DTD1: variants seen among roughly 807,000 people sequenced by gnomAD.
The protein encoded by DTD1 is D-tyrosyl-tRNA deacylase 1 homolog.
In DTD1, 13 loss-of-function variants were observed where a neutral mutation model predicts 25.6. The ratio of observed to expected loss-of-function variants is 0.51; its 90% confidence interval spans 0.33 to 0.81. DTD1 has a LOEUF of 0.81. DTD1 is among the 30% of genes least tolerant of loss of function. The probability of loss-of-function intolerance (pLI) is 0.02; values close to 1 mark genes in which losing one functional copy is unlikely to be tolerated. For missense variants in DTD1, 193 were observed against 266.4 expected, an observed-to-expected ratio of 0.72 and a Z score of 1.92; for synonymous variants, 110 against 103.6, an observed-to-expected ratio of 1.06 and a Z score of -0.37.
At chr20:18,717,896 C>G (rs898146794) in intron 4 of DTD1, among the ~76,000 whole-genome samples, 11 of 152,094 alleles carry the variant, frequency 7.2e-5, no homozygotes, top group Non-Finnish European at 1.5e-4. Flanking sequence ...AGTTAGAATT[C>G]TCCTCTAAAC....
intron 5 of DTD1, among the ~76,000 whole-genome samples, chr20:18,760,078 A>G (rs2061355418): frequency 6.6e-6 from 1 of 152,206 alleles, no homozygotes; most frequent in South Asian, 2.1e-4. Flanking sequence ...CGTGGTTTTC[A>G]GCTCCATCAG....
chr20:18,638,127 TCATTTATC>T (rs2060814467), intron 4 of DTD1, among the ~76,000 whole-genome samples: 1 of 151,748 alleles, frequency 6.6e-6, no homozygotes, highest in South Asian at 2.1e-4. Flanking sequence ...GCTTGCTTGT[TCATTTATC>T]CATTTATCCA....
chr20:18,599,199 G>A (rs2060623606), intron 3 of DTD1, among the ~76,000 whole-genome samples: 1 of 152,014 alleles, frequency 6.6e-6, no homozygotes, highest in Admixed American at 6.6e-5. Flanking sequence ...TTTTGAGATG[G>A]AGTTTTGCTC....
At chr20:18,628,045 G>C in intron 3 of DTD1, 82 bp from the exon 4 acceptor site, 1 of 1,159,488 alleles carries the variant, frequency 8.6e-7, no homozygotes, top group Non-Finnish European at 1.3e-6. Flanking sequence ...TTAGCAGTGT[G>C]AAAATGAACT....
intron 4 of DTD1, among the ~76,000 whole-genome samples, chr20:18,660,661 T>G (rs1327192237): frequency 6.6e-6 from 1 of 152,166 alleles, no homozygotes; most frequent in East Asian, 1.9e-4. Flanking sequence ...TTTTAGCAAC[T>G]TTGAGAAAAT....
At chr20:18,756,835 C>T in intron 5 of DTD1, among the ~76,000 whole-genome samples, 1 of 152,100 alleles carries the variant, frequency 6.6e-6, no homozygotes, top group Non-Finnish European at 1.5e-5. Context: ...ATGGGGATGG[C>T]ATTGCATCTA....
chr20:18,643,890 A>C (rs891027641), intron 4 of DTD1, among the ~76,000 whole-genome samples: 1 of 152,068 alleles, frequency 6.6e-6, no homozygotes, highest in African/African-American at 2.4e-5. Context: ...ATGCACTTGT[A>C]TGTGCACAGG....
chr20:18,663,431 G>A (rs1369834053), intron 4 of DTD1, among the ~76,000 whole-genome samples: 1 of 152,056 alleles, frequency 6.6e-6, no homozygotes, highest in East Asian at 1.9e-4. Flanking sequence ...CAAAATGTAT[G>A]GCTCATTTAA....
At chr20:18,637,432 G>T (rs1235378582) in intron 4 of DTD1, among the ~76,000 whole-genome samples, 1 of 152,208 alleles carries the variant, frequency 6.6e-6, no homozygotes, top group Non-Finnish European at 1.5e-5. Context: ...TGACATTGAG[G>T]CATATGCTGG....
intron 4 of DTD1, among the ~76,000 whole-genome samples, chr20:18,725,338 C>G (rs1385269783): frequency 6.6e-6 from 1 of 152,148 alleles, no homozygotes; most frequent in Non-Finnish European, 1.5e-5. Flanking sequence ...CCACCTGAAC[C>G]CTGTTTTAGC....
chr20:18,717,294 G>A (rs2061184998), intron 4 of DTD1, among the ~76,000 whole-genome samples: 1 of 152,182 alleles, frequency 6.6e-6, no homozygotes, highest in African/African-American at 2.4e-5. Flanking sequence ...AATGATTACA[G>A]TGGTACAGTA....
intron 4 of DTD1, among the ~76,000 whole-genome samples, chr20:18,729,887 T>C (rs62217028): frequency 0.31 from 46,891 of 151,870 alleles, 7,853 homozygotes; most frequent in Non-Finnish European, 0.38. Flanking sequence ...CTTCTCTCTC[T>C]GAGTGGCTTC....
chr20:18,706,627 G>A (rs1216503093), intron 4 of DTD1, among the ~76,000 whole-genome samples: 1 of 152,170 alleles, frequency 6.6e-6, no homozygotes, highest in African/African-American at 2.4e-5. Context: ...TGACAGTGAT[G>A]TAGAAAGTTG....
At chr20:18,701,948 TG>T (rs2061107068) in intron 4 of DTD1, among the ~76,000 whole-genome samples, 1 of 152,268 alleles carries the variant, frequency 6.6e-6, no homozygotes, top group South Asian at 2.1e-4. Context: ...TTTTTCATTT[TG>T]CTTAGAGCTA....
intron 3 of DTD1, among the ~76,000 whole-genome samples, chr20:18,625,774 G>A (rs1377467977): frequency 6.6e-6 from 1 of 152,252 alleles, no homozygotes; most frequent in Non-Finnish European, 1.5e-5. Flanking sequence ...TGAACAGATT[G>A]AAAGTAGAAT....
At chr20:18,592,737 C>G (rs1355020645) in intron 1 of DTD1, 1 of 148,274 alleles carries the variant, frequency 6.7e-6, no homozygotes, top group Non-Finnish European at 1.5e-5. Context: ...GGCTGGAGTG[C>G]AATGGTGTGA....
At chr20:18,676,020 A>G (rs534444247) in intron 4 of DTD1, among the ~76,000 whole-genome samples, 4 of 152,310 alleles carry the variant, frequency 2.6e-5, no homozygotes, top group South Asian at 2.1e-4. Context: ...ATTCTGCCAT[A>G]AGACATATCA....
intron 4 of DTD1, among the ~76,000 whole-genome samples, chr20:18,656,786 C>T (rs2060893144): frequency 6.6e-6 from 1 of 152,122 alleles, no homozygotes; most frequent in Non-Finnish European, 1.5e-5. Context: ...TAGTCGTGGC[C>T]GTGGCAGAAC....
At chr20:18,711,395 C>T (rs2061158035) in intron 4 of DTD1, among the ~76,000 whole-genome samples, 1 of 152,194 alleles carries the variant, frequency 6.6e-6, no homozygotes, top group South Asian at 2.1e-4. Context: ...CATACTGTGA[C>T]CTGTGAACTC....
Sources: gnomAD v4.1 joint callset for allele counts (sites outside exome capture counted in the v4.1 genomes callset) on GRCh38, gnomAD v4.1.1 for gene constraint, MANE v1.5 for transcripts, NCBI Gene and HGNC (gene_info 2026-07-23, HGNC 2026-07-21) for gene names.